Variants in UBE2V2 observed in about 807,000 individuals in gnomAD.
The protein encoded by UBE2V2 is ubiquitin-conjugating enzyme E2 variant 2.
A neutral mutation model predicts 17.2 loss-of-function variants in UBE2V2; 9 were observed. The observed-to-expected ratio is 0.52, with a 90% confidence interval of 0.32 to 0.91. The LOEUF is 0.91. Ranked by LOEUF, UBE2V2 falls within the 40% of genes least tolerant of loss-of-function variation. UBE2V2 has a pLI of 0.04. For synonymous variants in UBE2V2, 61 were observed against 57.5 expected, an observed-to-expected ratio of 1.06 and a Z score of -0.28; for missense variants, 133 against 182.6, an observed-to-expected ratio of 0.73 and a Z score of 1.56.
intron 1 of UBE2V2, among the ~76,000 whole-genome samples, chr8:48,016,460 A>C (rs1309575442): frequency 6.6e-6 from 1 of 151,136 alleles, no homozygotes; most frequent in Non-Finnish European, 1.5e-5. Context: ...TTATCACCAC[A>C]TACTCACCAA....
At chr8:48,034,712 A>G (rs939932206) in intron 1 of UBE2V2, among the ~76,000 whole-genome samples, 2 of 152,100 alleles carry the variant, frequency 1.3e-5, no homozygotes, top group African/African-American at 2.4e-5. Context: ...CCAAATAAAC[A>G]TTTTTGTTCA....
rs374721260 is a variant in UBE2V2 at position 48,031,050 on chromosome 8, AAAAC to A, written c.17-11979_17-11976del. Among the ~76,000 whole-genome samples the A allele has an allele frequency of 3.9e-3, 596 of 152,046 alleles. 4 individuals carry two copies. Among genetic ancestry groups the A allele is most frequent in the South Asian group, 0.025 (119 of 4,814 alleles). On this transcript the variant is annotated intron_variant, in intron 1 of 3. Transcript: ENST00000523111. ...CTCAAAAATAAAAAACCAAAACACAAAAACAAAAATTAGCCAGGTGTGGTGGCAG... is the reference window on the plus strand; with the variant it reads ...CTCAAAAATAAAAAACCAAAACACAAAAAAATTAGCCAGGTGTGGTGGCAG...
intron 3 of UBE2V2, among the ~76,000 whole-genome samples, chr8:48,055,522 A>G (rs1379108285): frequency 6.6e-6 from 1 of 151,458 alleles, no homozygotes; most frequent in Non-Finnish European, 1.5e-5. Flanking sequence ...AATAAATATC[A>G]CTCTAAAATT....
intron 1 of UBE2V2, among the ~76,000 whole-genome samples, chr8:48,039,561 A>G (rs1038490816): frequency 2.6e-5 from 4 of 152,088 alleles, no homozygotes; most frequent in Non-Finnish European, 2.9e-5. Context: ...CTGTATTTTG[A>G]ATAACGTTCT....
At chr8:48,055,264 A>G (rs1364801294) in intron 3 of UBE2V2, among the ~76,000 whole-genome samples, 1 of 144,000 alleles carries the variant, frequency 6.9e-6, no homozygotes. Context: ...CAATGGTGCG[A>G]TCTTGGCTCA....
intron 1 of UBE2V2, among the ~76,000 whole-genome samples, chr8:48,015,132 C>T (rs1458027821): frequency 6.6e-6 from 1 of 151,218 alleles, no homozygotes; most frequent in East Asian, 1.9e-4. Context: ...AGTCCCAGCA[C>T]TTTGGGAGGT....
At chr8:48,016,781 C>CTTTTTT (rs554494819) in intron 1 of UBE2V2, among the ~76,000 whole-genome samples, 1 of 128,478 alleles carries the variant, frequency 7.8e-6, no homozygotes, top group Non-Finnish European at 1.7e-5. Flanking sequence ...CGTGCCCAGC[C>CTTTTTT]TTTTTTTTTT....
chr8:48,009,845 G>A (rs536497374), intron 1 of UBE2V2, among the ~76,000 whole-genome samples: 1 of 152,224 alleles, frequency 6.6e-6, no homozygotes, highest in Admixed American at 6.6e-5. Context: ...ACATACTTGG[G>A]TCAGCTAGCT....
Position 48,025,439 on chromosome 8 carries a change from A to AT in UBE2V2, c.16+16979dup, listed in dbSNP as rs1228043567. Among the ~76,000 whole-genome samples, 338 of 146,496 alleles carry AT rather than the reference A, an allele frequency of 2.3e-3. 4 individuals carry two copies. Among genetic ancestry groups the AT allele is most frequent in the South Asian group, 0.023 (105 of 4,592 alleles). On this transcript the variant is annotated intron_variant, in intron 1 of 3. Coordinates refer to ENST00000523111, the MANE Select transcript of UBE2V2 (RefSeq NM_003350.3). The stretch of plus-strand genomic sequence containing the variant: ...CCACCACACTTAGCTGATTATTATT[A>AT]TTTTTTTTTTGTATTTTAGTAGAGA...
In UBE2V2 at chr8:48,053,591, T is replaced by A. The variant is rs572859924; in HGVS notation, c.291+3613T>A. 1.2e-4 allele frequency among the ~76,000 whole-genome samples: 18 copies of A among 151,638 alleles called. No individual in the cohort carries two copies. In the East Asian group the frequency reaches 1.6e-3, roughly 13 times the overall value. On this transcript the variant is annotated intron_variant, in intron 3 of 3. Transcript: ENST00000523111. ...GGCATGTGCCACCACGTCCAGCTAA[T>A]TTTTTTGTATTTTTAATAGAGACAG...
chr8:48,011,823 T>A (rs1335146453), intron 1 of UBE2V2, among the ~76,000 whole-genome samples: 5 of 152,078 alleles, frequency 3.3e-5, no homozygotes, highest in Non-Finnish European at 7.4e-5. Context: ...CTGGCTAATT[T>A]TTAAATTATT....
In UBE2V2 at chr8:48,031,239, A is replaced by G. The variant is rs1443309162; in HGVS notation, c.17-11794A>G. ...AAACAAACAAACCCCCCCCAACAACAACAACAAAAAAACAACTTAGCCTTT... is the reference window on the plus strand; with the variant it reads ...AAACAAACAAACCCCCCCCAACAACGACAACAAAAAAACAACTTAGCCTTT... On this transcript the variant is annotated intron_variant, in intron 1 of 3. Transcript: ENST00000523111. Among the ~76,000 whole-genome samples the G allele has an allele frequency of 2.6e-5, 4 of 152,152 alleles. No homozygotes were observed. The East Asian group carries it at 5.8e-4, about 22-fold the overall frequency.
chr8:48,015,676 C>T (rs2091263608), intron 1 of UBE2V2, among the ~76,000 whole-genome samples: 1 of 152,086 alleles, frequency 6.6e-6, no homozygotes, highest in African/African-American at 2.4e-5. Flanking sequence ...CCTCTGGTAA[C>T]CACCATCTCC....
In UBE2V2 at chr8:48,049,920, C is replaced by A. The variant is rs11557786; in HGVS notation, c.233C>A (p.Pro78Gln). 1 of 1,583,442 alleles carries A rather than the reference C, an allele frequency of 6.3e-7. No individual in the cohort carries two copies. Among genetic ancestry groups the A allele is most frequent in the Non-Finnish European group, 8.6e-7 (1 of 1,168,724 alleles). Residue 78 changes from proline to glutamine, a missense_variant, in exon 3 of 4, where the codon CCG becomes CAG. Around this residue, in one of 3 missense-constraint regions of UBE2V2, gnomAD observed 92 missense variants for 124.3 expected, o/e 0.74. Transcript: ENST00000523111. ...ECGPKYPEAP[P>Q]SVRFVTKINM... ...GGACCTAAATACCCAGAAGCTCCTC[C>A]GTCAGTTAGATTTGTAACAAAAATT...
rs530466224 is a variant in UBE2V2, at chr8:48,037,007, C to T, written c.17-6026C>T. ...AAGCCTGGCCAACATGGCGAAACCC[C>T]GTCTCTACTAAAAATACAAATATTA... On this transcript the variant is annotated intron_variant, in intron 1 of 3. Transcript: ENST00000523111. Among the ~76,000 whole-genome samples, 102 of 152,090 alleles carry T rather than the reference C, an allele frequency of 6.7e-4. 1 individual carries two copies. The highest frequency in any genetic ancestry group is 2.3e-3 in the African/African-American group (97 of 41,538).
chr8:48,053,264 T>G (rs2091550453), intron 3 of UBE2V2, among the ~76,000 whole-genome samples: 5 of 152,200 alleles, frequency 3.3e-5, no homozygotes, highest in Admixed American at 3.3e-4. Context: ...TCACTCTTAT[T>G]CTTTTGTTGC....
At chr8:48,004,614 C>T (rs1175199053), upstream of UBE2V2, among the ~76,000 whole-genome samples, 2 of 151,388 alleles carry the variant, frequency 1.3e-5, no homozygotes, top group African/African-American at 4.9e-5. Flanking sequence ...TCACTGCAAC[C>T]TCCGCCTCTT....
chr8:48,008,522 C>T lies in UBE2V2; in HGVS notation c.16+52C>T, dbSNP rs747342834. On this transcript the variant is annotated intron_variant, in intron 1 of 3. Coordinates refer to ENST00000523111, the MANE Select transcript of UBE2V2 (RefSeq NM_003350.3). ...TTTTCCGCTCCGACCCGGCTCTGCC[C>T]CTCCGTCTGCTGCTGGCGCCCGAGC... 15 of 1,537,552 alleles carry T rather than the reference C, an allele frequency of 9.8e-6. No homozygotes were observed. In the African/African-American group the frequency reaches 1.6e-4, roughly 16 times the overall value.
chr8:48,017,427 G>A (rs2091277049), intron 1 of UBE2V2, among the ~76,000 whole-genome samples: 1 of 150,640 alleles, frequency 6.6e-6, no homozygotes, highest in Admixed American at 6.6e-5. Context: ...AGGCTGGAGT[G>A]CAATGGCACG....
Sources: gnomAD v4.1 joint callset for allele counts (sites outside exome capture counted in the v4.1 genomes callset) on GRCh38, gnomAD v4.1.1 for gene constraint, gnomAD v4.1.1 regional missense constraint, MANE v1.5 for transcripts, NCBI Gene and HGNC (gene_info 2026-07-23, HGNC 2026-07-21) for gene names.